The following CPA6 variants were observed in gnomAD, a reference collection of about 807,000 sequenced individuals.
CPA6 encodes the protein carboxypeptidase B.
A neutral mutation model predicts 63.3 loss-of-function variants in CPA6; 58 were observed. The observed-to-expected ratio is 0.92, with a 90% confidence interval of 0.74 to 1.14. The LOEUF is 1.14. Among genes scored for constraint, CPA6 ranks in the 50% most tolerant of loss-of-function variants. The pLI, the probability that CPA6 is intolerant of heterozygous loss-of-function variation, is 0.00. For missense variants in CPA6, 565 were observed against 526.6 expected, an observed-to-expected ratio of 1.07 and a Z score of -0.71; for synonymous variants, 185 against 179.0, an observed-to-expected ratio of 1.03 and a Z score of -0.27.
intron 1 of CPA6, among the ~76,000 whole-genome samples, chr8:67,729,921 C>T (rs1817675097): frequency 6.6e-6 from 1 of 152,192 alleles, no homozygotes; most frequent in Non-Finnish European, 1.5e-5. Context: ...CCAATTTGGC[C>T]ATTTCTGTTT....
chr8:67,476,551 C>T (rs1587470854), intron 8 of CPA6, among the ~76,000 whole-genome samples: 1 of 121,128 alleles, frequency 8.3e-6, no homozygotes, highest in Non-Finnish European at 1.6e-5. Flanking sequence ...CTCTCTCTCT[C>T]TCTTTTTTTT....
At chr8:67,522,867 A>T (rs1014516370) in intron 2 of CPA6, among the ~76,000 whole-genome samples, 2 of 152,298 alleles carry the variant, frequency 1.3e-5, no homozygotes, top group African/African-American at 2.4e-5. Context: ...AGCACAACCT[A>T]CTGGGCTGAG....
rs138726840 is a variant in CPA6 at position 67,562,562 on chromosome 8, A to G, written c.193-44515T>C. 4.2e-3 allele frequency among the ~76,000 whole-genome samples: 644 copies of G among 152,228 alleles called. 3 individuals are homozygous for G. The highest frequency in any genetic ancestry group is 0.014 in the African/African-American group (600 of 41,546). On this transcript the variant is annotated intron_variant, in intron 2 of 10. Coordinates refer to ENST00000297770, the MANE Select transcript of CPA6 (RefSeq NM_020361.5). ...TCTGACTGTGTCTTCCCAACTTCAT[A>G]TGTTGAATCCTAACCCCCAAGGTGA...
intron 1 of CPA6, among the ~76,000 whole-genome samples, chr8:67,660,158 C>T (rs1816075103): frequency 6.6e-6 from 1 of 151,984 alleles, no homozygotes; most frequent in South Asian, 2.1e-4. Context: ...ATTTTGGATT[C>T]AGAAAACCTA....
intron 1 of CPA6, among the ~76,000 whole-genome samples, chr8:67,714,305 C>G (rs1817333691): frequency 6.6e-6 from 1 of 152,100 alleles, no homozygotes; most frequent in African/African-American, 2.4e-5. Context: ...AGAATTTGCC[C>G]CAACTGAGGA....
intron 2 of CPA6, among the ~76,000 whole-genome samples, chr8:67,590,810 G>A (rs1447675051): frequency 1.5e-4 from 23 of 150,474 alleles, no homozygotes; most frequent in East Asian, 1.9e-4. Flanking sequence ...AGTAGGTTGC[G>A]AAAATTTTCT....
intron 1 of CPA6, among the ~76,000 whole-genome samples, chr8:67,692,472 TTC>T (rs1816833617): frequency 6.6e-6 from 1 of 152,166 alleles, no homozygotes; most frequent in South Asian, 2.1e-4. Context: ...CATAATACAT[TTC>T]ACCACTCTGC....
At chr8:67,628,187 TG>T (rs1762122627) in intron 1 of CPA6, among the ~76,000 whole-genome samples, 5 of 151,864 alleles carry the variant, frequency 3.3e-5, no homozygotes, top group Admixed American at 3.3e-4. Context: ...CACTCCAGCC[TG>T]GGTGACAGAG....
chr8:67,618,313 C>G (rs1040380147), intron 2 of CPA6, among the ~76,000 whole-genome samples: 1 of 152,146 alleles, frequency 6.6e-6, no homozygotes, highest in Admixed American at 6.6e-5. Flanking sequence ...ATTAAACTGT[C>G]CAGTTGGATG....
At chr8:67,542,309 A>C (rs1320079949) in intron 2 of CPA6, among the ~76,000 whole-genome samples, 1 of 152,228 alleles carries the variant, frequency 6.6e-6, no homozygotes, top group Non-Finnish European at 1.5e-5. Flanking sequence ...AACAGTTTTG[A>C]AGACACTGAA....
intron 1 of CPA6, among the ~76,000 whole-genome samples, chr8:67,644,054 A>AG (rs938440731): frequency 3.9e-5 from 6 of 152,008 alleles, no homozygotes; most frequent in African/African-American, 7.2e-5. Context: ...ATGCAGATTG[A>AG]GGGGGGTTGG....
At chr8:67,607,693 C>A (rs573722208) in intron 2 of CPA6, among the ~76,000 whole-genome samples, 1 of 152,284 alleles carries the variant, frequency 6.6e-6, no homozygotes, top group East Asian at 1.9e-4. Context: ...GCCTTATCTT[C>A]CAAGTTCAAC....
chr8:67,435,419 G>C (rs1413089619), intron 8 of CPA6, among the ~76,000 whole-genome samples: 1 of 152,134 alleles, frequency 6.6e-6, no homozygotes, highest in African/African-American at 2.4e-5. Flanking sequence ...GCCCACAGAT[G>C]TTGGGGGCTG....
chr8:67,745,947 C>T, intron 1 of CPA6, 67 bp downstream of exon 1: 3 of 1,190,464 alleles, frequency 2.5e-6, no homozygotes, highest in South Asian at 1.4e-5. Flanking sequence ...GTGAGGCACA[C>T]TCTGGAGCAA....
chr8:67,423,853 T>C (rs1393493833), intron 10 of CPA6, among the ~76,000 whole-genome samples: 3 of 152,232 alleles, frequency 2.0e-5, no homozygotes, highest in Admixed American at 1.3e-4. Flanking sequence ...GGTACTGGTA[T>C]GATTTACAAG....
intron 2 of CPA6, among the ~76,000 whole-genome samples, chr8:67,519,090 G>C (rs2128967028): frequency 6.6e-6 from 1 of 152,268 alleles, no homozygotes; most frequent in Non-Finnish European, 1.5e-5. Context: ...AGTGTTTGTT[G>C]CAAGAGTGTA....
intron 8 of CPA6, among the ~76,000 whole-genome samples, chr8:67,470,715 G>A (rs1811039038): frequency 6.6e-6 from 1 of 151,866 alleles, no homozygotes; most frequent in Admixed American, 6.6e-5. Flanking sequence ...TTTTCACATG[G>A]TTGCTTATCT....
chr8:67,723,242 C>T (rs1817535737), intron 1 of CPA6, among the ~76,000 whole-genome samples: 1 of 152,062 alleles, frequency 6.6e-6, no homozygotes, highest in Non-Finnish European at 1.5e-5. Flanking sequence ...AACACACATG[C>T]TAATTATTTT....
intron 8 of CPA6, among the ~76,000 whole-genome samples, chr8:67,477,289 C>CAAA (rs10570927): frequency 7.5e-5 from 5 of 66,480 alleles, no homozygotes; most frequent in Non-Finnish European, 1.4e-4. Context: ...GACTCCATCT[C>CAAA]AAAAAAAAAA....
Sources: allele counts gnomAD v4.1 joint callset (sites outside exome capture counted in the v4.1 genomes callset), GRCh38; gene constraint gnomAD v4.1.1; transcripts MANE v1.5; gene names NCBI Gene and HGNC (gene_info 2026-07-23, HGNC 2026-07-21).